The following VWA3B variants were observed in gnomAD, a reference collection of about 807,000 sequenced individuals.
The protein encoded by VWA3B is von Willebrand factor A domain-containing protein 3B.
Under a neutral mutation model 158.3 loss-of-function variants are expected in VWA3B, and 138 were observed. The ratio of observed to expected loss-of-function variants is 0.87; its 90% CI spans 0.76 to 1.00. VWA3B has a LOEUF of 1.00. Among genes scored for constraint, VWA3B ranks in the 50% least tolerant of loss-of-function variants. The probability of loss-of-function intolerance (pLI) is 0.00; values close to 1 mark genes in which losing one functional copy is unlikely to be tolerated. For synonymous variants in VWA3B, 596 were observed against 587.3 expected, an observed-to-expected ratio of 1.01 and a Z score of -0.21; for missense variants, 1,555 against 1,565.1, an observed-to-expected ratio of 0.99 and a Z score of 0.11.
chr2:98,115,849 G>C, intron 3 of VWA3B, 103 bp downstream of exon 3: 1 of 915,010 alleles, frequency 1.1e-6, no homozygotes, highest in Non-Finnish European at 1.7e-6. Context: ...CAGGGATGCA[G>C]CTGAGCCAAG....
intron 13 of VWA3B, 112 bp downstream of exon 13, chr2:98,212,140 C>T: frequency 1.2e-6 from 1 of 812,264 alleles, no homozygotes; most frequent in Non-Finnish European, 2.0e-6. Flanking sequence ...TGGACATATA[C>T]TTCCTTGGCT....
Position 98,256,194 on chromosome 2 carries a change from C to G in VWA3B, c.2843+20C>G. 6.5e-7 allele frequency: 1 copy of G among 1,528,612 alleles called. No individual in the cohort carries two copies. Among genetic ancestry groups the G allele is most frequent in the Admixed American group, 1.9e-5 (1 of 52,398 alleles). 94.7% of individuals were successfully genotyped at this position (1,528,612 alleles called of 1,614,324 possible). ...AGAAAAGTAAGCCATTCCATTCCCT[C>G]CTCACTTTTTTTTTTTGGTGAAATT... On this transcript the variant is annotated intron_variant, in intron 21 of 27. Coordinates refer to ENST00000477737, the MANE Select transcript of VWA3B (RefSeq NM_144992.5).
At chr2:98,209,426 A>G (rs1304026410) in intron 12 of VWA3B, among the ~76,000 whole-genome samples, 1 of 151,828 alleles carries the variant, frequency 6.6e-6, no homozygotes, top group South Asian at 2.1e-4. Flanking sequence ...GACTACAGGC[A>G]CCCACCACCA....
At chr2:98,279,357 C>T (rs990350938) in intron 22 of VWA3B, among the ~76,000 whole-genome samples, 29 of 152,156 alleles carry the variant, frequency 1.9e-4, no homozygotes, top group African/African-American at 6.8e-4. Context: ...GCTAAAGGCA[C>T]CCTCCTCGCT....
chr2:98,088,532 T>C (rs1284889526), intron 1 of VWA3B, among the ~76,000 whole-genome samples: 2 of 152,174 alleles, frequency 1.3e-5, no homozygotes, highest in African/African-American at 2.4e-5. Flanking sequence ...TTTTTCCTTT[T>C]ACACTTCCTC....
intron 2 of VWA3B, among the ~76,000 whole-genome samples, chr2:98,107,802 T>G (rs553866330): frequency 1.3e-5 from 2 of 152,222 alleles, no homozygotes; most frequent in East Asian, 3.9e-4. Context: ...TTATTGATCT[T>G]TAAAAAATAC....
intron 11 of VWA3B, 149 bp from the exon 12 acceptor site, chr2:98,194,212 A>G: frequency 1.5e-6 from 1 of 645,184 alleles, no homozygotes; most frequent in African/African-American, 1.8e-5. Context: ...CCTTTATACT[A>G]GATAGGATAT....
At chr2:98,329,328 T>G in the VWA3B span, among the ~76,000 whole-genome samples, 1 of 152,234 alleles carries the variant, frequency 6.6e-6, no homozygotes, top group East Asian at 1.9e-4. Context: ...AACGAAAAAA[T>G]TGATGTTTGT....
intron 14 of VWA3B, among the ~76,000 whole-genome samples, chr2:98,222,371 A>G (rs1558692840): frequency 6.6e-6 from 1 of 152,218 alleles, no homozygotes; most frequent in Non-Finnish European, 1.5e-5. Flanking sequence ...CCCCACACAT[A>G]TAAGAAGTAC....
chr2:98,312,124 G>T, intron 27 of VWA3B, 76 bp from the exon 28 acceptor site: 1 of 1,613,698 alleles, frequency 6.2e-7, no homozygotes, highest in Non-Finnish European at 8.5e-7. Flanking sequence ...TCGTCCTTCA[G>T]ATTCTGGGCC....
intron 16 of VWA3B, among the ~76,000 whole-genome samples, chr2:98,231,514 C>T (rs1685332695): frequency 6.6e-6 from 1 of 152,056 alleles, no homozygotes; most frequent in Admixed American, 6.5e-5. Flanking sequence ...GGAGTATAGC[C>T]CTTTCAACAA....
chr2:98,274,526 A>G (rs1003233645), intron 22 of VWA3B, among the ~76,000 whole-genome samples: 9 of 152,142 alleles, frequency 5.9e-5, no homozygotes, highest in Non-Finnish European at 1.0e-4. Context: ...TTTGGAGTGA[A>G]AGAAACAGCC....
At chr2:98,319,993 G>A in the VWA3B span, among the ~76,000 whole-genome samples, 83 of 152,098 alleles carry the variant, frequency 5.5e-4, no homozygotes, top group African/African-American at 1.9e-3. Flanking sequence ...ACTTTTACAG[G>A]TAACAATTTT....
intron 4 of VWA3B, 60 bp downstream of exon 4, chr2:98,119,823 G>A: frequency 2.5e-6 from 4 of 1,589,062 alleles, no homozygotes; most frequent in Non-Finnish European, 3.4e-6. Context: ...GTACATATTT[G>A]GAATTAAGTA....
At chr2:98,212,601 C>G (rs1683622870) in intron 13 of VWA3B, among the ~76,000 whole-genome samples, 1 of 152,146 alleles carries the variant, frequency 6.6e-6, no homozygotes, top group East Asian at 1.9e-4. Context: ...GATTTTCAGG[C>G]CAGCGTAATG....
At chr2:98,294,203 C>CAA (rs751689571) in intron 23 of VWA3B, among the ~76,000 whole-genome samples, 3,251 of 56,192 alleles carry the variant, frequency 0.058, 529 homozygotes, top group East Asian at 0.08. Flanking sequence ...CACACACACA[C>CAA]AAAAAAAAAA....
intron 7 of VWA3B, among the ~76,000 whole-genome samples, chr2:98,144,748 G>A (rs1251327959): frequency 6.6e-6 from 1 of 151,994 alleles, no homozygotes; most frequent in Non-Finnish European, 1.5e-5. Context: ...TGTATTTTTA[G>A]TAGAGACGGG....
intron 25 of VWA3B, among the ~76,000 whole-genome samples, chr2:98,300,627 G>A (rs1009642528): frequency 3.3e-5 from 5 of 151,866 alleles, no homozygotes; most frequent in African/African-American, 9.7e-5. Context: ...CTGGGCCACC[G>A]CTAGTGCTGT....
Position 98,129,419 on chromosome 2 carries a change from G to T in VWA3B, c.872+1011G>T, listed in dbSNP as rs144709245. On this transcript the variant is annotated intron_variant, in intron 6 of 27. Coordinates refer to ENST00000477737, the MANE Select transcript of VWA3B (RefSeq NM_144992.5). ...TGGTGTCTCTTCCTCTTCCTATAAG[G>T]TCACTCATCCTATAGAATCAGGGCC... Among the ~76,000 whole-genome samples, 145 of 152,060 alleles carry T rather than the reference G, an allele frequency of 9.5e-4. 3 individuals are homozygous for T. In the East Asian group the frequency reaches 0.026, roughly 28 times the overall value.
Sources: allele counts gnomAD v4.1 joint callset (sites outside exome capture counted in the v4.1 genomes callset), GRCh38; gene constraint gnomAD v4.1.1; transcripts MANE v1.5; gene names NCBI Gene and HGNC (gene_info 2026-07-23, HGNC 2026-07-21).